SOHLH2: variants seen among roughly 807,000 people sequenced by gnomAD.
The protein encoded by SOHLH2 is spermatogenesis- and oogenesis-specific basic helix-loop-helix-containing protein 2.
A neutral mutation model predicts 50.4 loss-of-function variants in SOHLH2; 22 were observed. That is an observed-to-expected ratio of 0.44 (90% CI 0.31 to 0.62). The LOEUF (loss-of-function observed/expected upper bound fraction) is 0.62, where lower values mean the gene tolerates loss of function less well. Among genes scored for constraint, SOHLH2 ranks in the 20% least tolerant of loss-of-function variants. The pLI is 0.08. For missense variants in SOHLH2, 412 were observed against 504.4 expected (o/e 0.82, Z 1.76); for synonymous variants, 185 against 187.3 (o/e 0.99, Z 0.10).
intron 4 of SOHLH2, 118 bp downstream of exon 4, chr13:36,193,498 TCCAGG>T: frequency 8.7e-7 from 1 of 1,152,688 alleles, no homozygotes; most frequent in South Asian, 1.7e-5. Context: ...TTTTTTTCTT[TCCAGG>T]TAAAGAATAC....
intron 2 of SOHLH2, among the ~76,000 whole-genome samples, chr13:36,197,157 T>A (rs1293255876): frequency 6.6e-6 from 1 of 152,226 alleles, no homozygotes; most frequent in Non-Finnish European, 1.5e-5. Flanking sequence ...TCAATTAATG[T>A]CTCTTGTGTT....
intron 2 of SOHLH2, 36 bp downstream of exon 2, chr13:36,201,843 T>C: frequency 6.2e-7 from 1 of 1,605,418 alleles, no homozygotes; most frequent in Non-Finnish European, 8.5e-7. Context: ...AAAAAAATGA[T>C]TCTAAAGATA....
intron 1 of SOHLH2, among the ~76,000 whole-genome samples, chr13:36,210,879 T>C (rs775592643): frequency 1.3e-4 from 20 of 152,226 alleles, no homozygotes; most frequent in Non-Finnish European, 2.8e-4. Flanking sequence ...CCTACTAGTG[T>C]GTTTCCTTTT....
chr13:36,168,469 G>A lies in SOHLH2; in HGVS notation c.*565C>T, dbSNP rs1166871857. 2 of 152,340 alleles carry A rather than the reference G, an allele frequency of 1.3e-5. No individual in the cohort carries two copies. The highest frequency in any genetic ancestry group is 2.4e-5 in the African/African-American group (1 of 41,462). The allele number at this position is 152,340 out of a possible 1,614,324, so 9.4% of individuals were successfully genotyped here. A position where few individuals can be genotyped will look rare whatever the true frequency, so the allele number is the denominator to read the frequency against. On this transcript the variant is annotated 3_prime_UTR_variant, in exon 11 of 11. Transcript: ENST00000379881. ...GCACACATCAATTTATTCATTAGTT[G>A]TCAAGTGAGGAGGTAAACCCCTCTT...
intron 6 of SOHLH2, among the ~76,000 whole-genome samples, chr13:36,184,230 T>C (rs910247601): frequency 6.6e-6 from 1 of 152,098 alleles, no homozygotes; most frequent in East Asian, 1.9e-4. Context: ...AGTTAAGTTA[T>C]ACACTTCTAA....
chr13:36,188,821 A>C (rs1378424885), intron 6 of SOHLH2, among the ~76,000 whole-genome samples: 2 of 152,156 alleles, frequency 1.3e-5, no homozygotes, highest in African/African-American at 4.8e-5. Context: ...TGCTTCCCAC[A>C]ATCATCCTAT....
At chr13:36,185,602 TA>T (rs1328876689) in intron 6 of SOHLH2, among the ~76,000 whole-genome samples, 1 of 151,702 alleles carries the variant, frequency 6.6e-6, no homozygotes, top group Non-Finnish European at 1.5e-5. Context: ...AAAAAATCGA[TA>T]AAACTGACAA....
chr13:36,188,367 TCAG>T (rs1458433594), intron 6 of SOHLH2, among the ~76,000 whole-genome samples: 1 of 152,226 alleles, frequency 6.6e-6, no homozygotes, highest in Non-Finnish European at 1.5e-5. Context: ...TTTCTCTCTC[TCAG>T]CTGCTTCTTT....
At chr13:36,170,499 C>T (rs751528377) in intron 10 of SOHLH2, 32 bp downstream of exon 10, 2 of 1,603,712 alleles carry the variant, frequency 1.2e-6, no homozygotes, top group Admixed American at 1.7e-5. Context: ...GTGAAAGGGT[C>T]CAATCTGATC....
intron 8 of SOHLH2, 66 bp from the exon 9 acceptor site, chr13:36,173,876 C>T (rs1470399166): frequency 1.3e-6 from 2 of 1,564,620 alleles, no homozygotes; most frequent in African/African-American, 1.4e-5. Flanking sequence ...CTGCTGAGTT[C>T]AATTGCCCTT....
intron 1 of SOHLH2, among the ~76,000 whole-genome samples, chr13:36,211,857 G>C (rs1203002504): frequency 6.6e-6 from 1 of 152,168 alleles, no homozygotes; most frequent in Admixed American, 6.5e-5. Context: ...AAGGACCAGG[G>C]GAGAGAGGAA....
chr13:36,173,811 C>T lies in SOHLH2; in HGVS notation c.882-1G>A. The stretch of plus-strand genomic sequence containing the variant: ...GTAAGTGCTCATCACACTGTTTTCC[C>T]TTGAAAGGACAGAAAAAATTATTTG... On this transcript the variant is annotated splice_acceptor_variant, in intron 8 of 10. Coordinates refer to ENST00000379881, the MANE Select transcript of SOHLH2 (RefSeq NM_017826.3). LOFTEE classifies it high-confidence loss of function. 1.2e-6 allele frequency: 2 copies of T among 1,613,898 alleles called. No homozygotes were observed. Among genetic ancestry groups the T allele is most frequent in the Non-Finnish European group, 1.7e-6 (2 of 1,179,940 alleles).
intron 4 of SOHLH2, among the ~76,000 whole-genome samples, chr13:36,193,263 G>A (rs1045403635): frequency 1.3e-5 from 2 of 152,160 alleles, no homozygotes; most frequent in African/African-American, 4.8e-5. Flanking sequence ...AAAGAAGAAA[G>A]CACAATACAA....
intron 5 of SOHLH2, among the ~76,000 whole-genome samples, chr13:36,191,562 C>A (rs1485810491): frequency 6.6e-6 from 1 of 152,142 alleles, no homozygotes; most frequent in East Asian, 1.9e-4. Flanking sequence ...TGATCATATT[C>A]CCCAATGATG....
At chr13:36,178,684 T>C (rs188996868) in intron 6 of SOHLH2, among the ~76,000 whole-genome samples, 1 of 152,302 alleles carries the variant, frequency 6.6e-6, no homozygotes, top group Non-Finnish European at 1.5e-5. Flanking sequence ...TCAAATAAAG[T>C]TATGTTTCAA....
At chr13:36,206,934 T>C (rs974671688) in intron 1 of SOHLH2, among the ~76,000 whole-genome samples, 9 of 151,652 alleles carry the variant, frequency 5.9e-5, no homozygotes. Context: ...AGTGTATATA[T>C]ATAGATGATT....
At chr13:36,201,740 G>C in intron 2 of SOHLH2, 139 bp downstream of exon 2, 1 of 1,302,456 alleles carries the variant, frequency 7.7e-7, no homozygotes, top group Non-Finnish European at 1.0e-6. Flanking sequence ...AAAGTGCCAG[G>C]ATTACACGCA....
chr13:36,214,435 G>T lies in SOHLH2; in HGVS notation c.48+44C>A, dbSNP rs750628690. 3.8e-6 allele frequency: 6 copies of T among 1,598,454 alleles called. No homozygotes were observed. In the Admixed American group the frequency reaches 8.6e-5, roughly 23 times the overall value. On this transcript the variant is annotated intron_variant, in intron 1 of 10. Transcript: ENST00000379881. ...GGGACCACCGACCTAGGGCCCGCCC[G>T]CGAGGTTATAAACGCAGCTGCCTCC...
At chr13:36,178,309 GAAGT>G (rs1887148603) in intron 6 of SOHLH2, among the ~76,000 whole-genome samples, 1 of 152,020 alleles carries the variant, frequency 6.6e-6, no homozygotes, top group African/African-American at 2.4e-5. Context: ...TATATGGTGT[GAAGT>G]AAGGGGTCAA....
Sources: allele counts gnomAD v4.1 joint callset (sites outside exome capture counted in the v4.1 genomes callset), GRCh38; gene constraint gnomAD v4.1.1; transcripts MANE v1.5; gene names NCBI Gene and HGNC (gene_info 2026-07-23, HGNC 2026-07-21).